The following WDR47 variants were observed in gnomAD, a reference collection of about 807,000 sequenced individuals.
WDR47 encodes WD repeat domain 47, also known as WD repeat-containing protein 47.
A neutral mutation model predicts 97.2 loss-of-function variants in WDR47; 32 were observed. The ratio of observed to expected loss-of-function variants is 0.33; its 90% CI spans 0.25 to 0.44. The LOEUF is 0.44. Among genes scored for constraint, WDR47 ranks in the 20% least tolerant of loss-of-function variants. The probability of loss-of-function intolerance (pLI) is 1.00; values close to 1 mark genes in which losing one functional copy is unlikely to be tolerated. For missense variants in WDR47, 782 were observed against 1,102.3 expected, an observed-to-expected ratio of 0.71 and a Z score of 4.11; for synonymous variants, 375 against 373.5, an observed-to-expected ratio of 1.00 and a Z score of -0.05.
intron 2 of WDR47, among the ~76,000 whole-genome samples, chr1:109,019,111 T>C (rs939694668): frequency 1.3e-5 from 2 of 150,902 alleles, no homozygotes; most frequent in Non-Finnish European, 2.9e-5. Context: ...AAGCTGGGAG[T>C]GGGCCAGGCA....
chr1:108,989,394 A>G (rs927662231), intron 9 of WDR47, among the ~76,000 whole-genome samples: 1 of 152,248 alleles, frequency 6.6e-6, no homozygotes, highest in Non-Finnish European at 1.5e-5. Context: ...TATTCATGCA[A>G]TACATCCTCC....
chr1:109,002,773 TTTA>T (rs1236585367), intron 6 of WDR47, among the ~76,000 whole-genome samples: 1 of 152,200 alleles, frequency 6.6e-6, no homozygotes, highest in Non-Finnish European at 1.5e-5. Context: ...TGCATTAATA[TTTA>T]ATAAACATAA....
At chr1:109,038,704 C>T (rs1663128866) in intron 1 of WDR47, among the ~76,000 whole-genome samples, 1 of 152,102 alleles carries the variant, frequency 6.6e-6, no homozygotes, top group South Asian at 2.1e-4. Context: ...AGGCCAGGTG[C>T]AGTGGCTCAC....
intron 13 of WDR47, among the ~76,000 whole-genome samples, chr1:108,980,899 A>C (rs963739169): frequency 9.9e-5 from 15 of 152,058 alleles, no homozygotes; most frequent in African/African-American, 3.6e-4. Flanking sequence ...AGGCTGAGGC[A>C]AGCAGATCAT....
intron 2 of WDR47, among the ~76,000 whole-genome samples, chr1:109,022,913 TA>T (rs755257059): frequency 4.0e-5 from 6 of 151,436 alleles, no homozygotes; most frequent in East Asian, 2.0e-4. Flanking sequence ...ATTTTTAAAA[TA>T]TTTTTTTAGG....
chr1:108,976,383 ACAGT>A (rs1657895198), intron 13 of WDR47, among the ~76,000 whole-genome samples: 1 of 151,782 alleles, frequency 6.6e-6, no homozygotes, highest in African/African-American at 2.4e-5. Flanking sequence ...AAAAAAAAAA[ACAGT>A]AAGGAAGGTG....
chr1:108,977,489 T>C (rs774482822), intron 13 of WDR47, among the ~76,000 whole-genome samples: 1 of 152,170 alleles, frequency 6.6e-6, no homozygotes, highest in Non-Finnish European at 1.5e-5. Context: ...TTTTAGATCA[T>C]GTAGCTGAGG....
At chr1:108,989,123 G>C (rs1008907425) in intron 9 of WDR47, among the ~76,000 whole-genome samples, 5 of 152,166 alleles carry the variant, frequency 3.3e-5, no homozygotes, top group African/African-American at 1.2e-4. Flanking sequence ...TGCTGAAGCA[G>C]TTCTGTATAA....
At chr1:108,985,587 T>C (rs1479399640) in intron 10 of WDR47, among the ~76,000 whole-genome samples, 2 of 152,198 alleles carry the variant, frequency 1.3e-5, no homozygotes, top group African/African-American at 4.8e-5. Flanking sequence ...ACATGTTTGT[T>C]TTACACACAA....
At chr1:108,976,939 G>A (rs12066799) in intron 13 of WDR47, among the ~76,000 whole-genome samples, 60,149 of 151,984 alleles carry the variant, frequency 0.4, 12,539 homozygotes, top group East Asian at 0.64. Flanking sequence ...GATAACAAGT[G>A]TGTACTTTAA....
chr1:108,995,117 C>A (rs1437210069), intron 8 of WDR47, among the ~76,000 whole-genome samples: 1 of 152,026 alleles, frequency 6.6e-6, no homozygotes, highest in Non-Finnish European at 1.5e-5. Flanking sequence ...AAAAATTTTC[C>A]CTGAATAGTG....
At chr1:109,023,569 T>G (rs1429566857) in intron 1 of WDR47, 48 bp from the exon 2 acceptor site, 7 of 1,558,468 alleles carry the variant, frequency 4.5e-6, no homozygotes, top group African/African-American at 1.4e-5. Flanking sequence ...TTGATTTATT[T>G]CTAAGTTTAA....
Position 109,031,318 on chromosome 1 carries a change from T to C in WDR47, c.-9-7797A>G, listed in dbSNP as rs559162719. Among the ~76,000 whole-genome samples the C allele has an allele frequency of 2.9e-5, 4 of 140,310 alleles. 1 individual carries two copies. The highest frequency in any genetic ancestry group is 6.4e-5 in the Non-Finnish European group (4 of 62,952). 92.0% of individuals were successfully genotyped at this position (140,310 alleles called of 152,430 possible). A position where few individuals can be genotyped will look rare whatever the true frequency, so the allele number is the denominator to read the frequency against. On this transcript the variant is annotated intron_variant, in intron 1 of 14. Coordinates refer to ENST00000369962, the MANE Select transcript of WDR47 (RefSeq NM_001142551.2). Reference sequence around the variant, plus strand: ...ATGATTTTTGGCCAGAAGAAATAAATTATGTTTAAAGCAGGTGCAACTTTA... The same window carrying C: ...ATGATTTTTGGCCAGAAGAAATAAACTATGTTTAAAGCAGGTGCAACTTTA...
At chr1:109,018,728 T>C (rs1661603496) in intron 2 of WDR47, among the ~76,000 whole-genome samples, 1 of 150,818 alleles carries the variant, frequency 6.6e-6, no homozygotes, top group Admixed American at 6.6e-5. Context: ...GGTGGGAGGA[T>C]CACTTGAGCC....
Position 109,011,729 on chromosome 1 carries a change from A to T in WDR47, c.328-11T>A. 6.4e-7 allele frequency: 1 copy of T among 1,564,914 alleles called. No individual in the cohort carries two copies. On this transcript the variant is annotated splice_polypyrimidine_tract_variant and intron_variant, in intron 4 of 14. Coordinates refer to ENST00000369962, the MANE Select transcript of WDR47 (RefSeq NM_001142551.2). ...CATGGTAAATTCCAGCTGTAAGAAA[A>T]ATATAAATGATCAAATAATCACTAT...
intron 1 of WDR47, among the ~76,000 whole-genome samples, chr1:109,039,576 A>G (rs1663205645): frequency 6.6e-6 from 1 of 152,172 alleles, no homozygotes; most frequent in Non-Finnish European, 1.5e-5. Flanking sequence ...CCCTTTTTTA[A>G]GGATATCTTT....
chr1:109,005,597 G>A (rs369862661), intron 5 of WDR47, among the ~76,000 whole-genome samples: 3 of 151,984 alleles, frequency 2.0e-5, no homozygotes, highest in Non-Finnish European at 2.9e-5. Flanking sequence ...TGGGTGGGCC[G>A]GGCACAGTGG....
chr1:108,982,563 A>G (rs1658429065), intron 12 of WDR47, 46 bp downstream of exon 12: 18 of 1,544,346 alleles, frequency 1.2e-5, no homozygotes, highest in Non-Finnish European at 1.6e-5. Context: ...AAAAAAGCAC[A>G]GATTGAACAA....
chr1:109,017,185 T>G (rs1346464282), intron 3 of WDR47, among the ~76,000 whole-genome samples: 8 of 152,112 alleles, frequency 5.3e-5, no homozygotes, highest in African/African-American at 1.9e-4. Context: ...CAACTTAAAA[T>G]AATCCAAATG....
Sources: gnomAD v4.1 joint callset for allele counts (sites outside exome capture counted in the v4.1 genomes callset) on GRCh38, gnomAD v4.1.1 for gene constraint, MANE v1.5 for transcripts, NCBI Gene and HGNC (gene_info 2026-07-23, HGNC 2026-07-21) for gene names.